Variants in TBC1D12 observed in about 807,000 individuals in gnomAD.
TBC1D12 encodes the protein TBC1 domain family, member 12.
In TBC1D12, 56 loss-of-function variants were observed where a neutral mutation model predicts 86.7. The ratio of observed to expected loss-of-function variants is 0.65; its 90% CI spans 0.52 to 0.81. The LOEUF (loss-of-function observed/expected upper bound fraction) is 0.81. Among genes scored for constraint, TBC1D12 ranks in the 30% least tolerant of loss-of-function variants. TBC1D12 has a pLI of 0.00. For synonymous variants in TBC1D12, 421 were observed against 411.7 expected (o/e 1.02, Z -0.27); for missense variants, 1,023 against 1,038.8 (o/e 0.98, Z 0.21).
chr10:94,420,344 G>C (rs1413878764), intron 1 of TBC1D12, among the ~76,000 whole-genome samples: 1 of 152,188 alleles, frequency 6.6e-6, no homozygotes, highest in Non-Finnish European at 1.5e-5. Context: ...AATGTCTGTT[G>C]TTCAAGCTAC....
Position 94,467,391 on chromosome 10 carries a change from C to G in TBC1D12, c.1096-7277C>G, listed in dbSNP as rs559472026. On this transcript the variant is annotated intron_variant, in intron 2 of 12. Transcript: ENST00000225235. ...GGGATTACAGGCATGCACCACCACG[C>G]CCGGCTAATTTTTGTATTTTTAGTA... 1.6e-3 allele frequency among the ~76,000 whole-genome samples: 243 copies of G among 152,136 alleles called. 1 individual carries two copies. Among genetic ancestry groups the G allele is most frequent in the Non-Finnish European group, 2.8e-3 (191 of 67,998 alleles).
intron 1 of TBC1D12, among the ~76,000 whole-genome samples, chr10:94,435,836 A>G (rs1158227872): frequency 6.6e-6 from 1 of 152,224 alleles, no homozygotes; most frequent in South Asian, 2.1e-4. Context: ...TGTTTGATAC[A>G]TTGGGAACTG....
At chr10:94,521,865 G>T in intron 9 of TBC1D12, 90 bp from the exon 10 acceptor site, 1 of 1,180,312 alleles carries the variant, frequency 8.5e-7, no homozygotes, top group East Asian at 2.7e-5. Context: ...ACTTTGTAAT[G>T]TCACTGTAAT....
intron 3 of TBC1D12, among the ~76,000 whole-genome samples, chr10:94,484,112 T>C (rs1337844333): frequency 6.6e-6 from 1 of 152,188 alleles, no homozygotes; most frequent in East Asian, 1.9e-4. Context: ...GATTTGTTTC[T>C]GGGTTCTCTG....
At chr10:94,416,711 AAG>A (rs1244427079) in intron 1 of TBC1D12, among the ~76,000 whole-genome samples, 1 of 152,184 alleles carries the variant, frequency 6.6e-6, no homozygotes, top group Non-Finnish European at 1.5e-5. Context: ...AGTGTTATAA[AAG>A]AGGATATGAG....
chr10:94,531,901 G>GTTATGTTATGTTATT (rs1842442584), intron 12 of TBC1D12, among the ~76,000 whole-genome samples: 1 of 149,970 alleles, frequency 6.7e-6, no homozygotes, highest in Non-Finnish European at 1.5e-5. Flanking sequence ...GTTATGTTAT[G>GTTATGTTATGTTATT]TTATGTTATT....
intron 9 of TBC1D12, among the ~76,000 whole-genome samples, chr10:94,516,201 C>G (rs942449361): frequency 2.6e-5 from 4 of 152,088 alleles, no homozygotes; most frequent in African/African-American, 9.7e-5. Flanking sequence ...TTAGTAATCT[C>G]ATTATACTTC....
chr10:94,465,428 A>G (rs1403087233), intron 2 of TBC1D12, among the ~76,000 whole-genome samples: 1 of 152,124 alleles, frequency 6.6e-6, no homozygotes, highest in African/African-American at 2.4e-5. Context: ...CAGGTGGATC[A>G]CGAGGTCAAG....
intron 12 of TBC1D12, among the ~76,000 whole-genome samples, chr10:94,531,684 T>TTTG (rs1554951656): frequency 7.7e-6 from 1 of 130,444 alleles, no homozygotes; most frequent in Non-Finnish European, 1.6e-5. Context: ...TTTATTTTAT[T>TTTG]TTATGTTATT....
chr10:94,460,496 G>GT (rs2055709658), intron 2 of TBC1D12, among the ~76,000 whole-genome samples: 2 of 150,504 alleles, frequency 1.3e-5, no homozygotes, highest in East Asian at 3.9e-4. Flanking sequence ...TAGGTAGCAT[G>GT]TTTTTACCTC....
chr10:94,491,008 C>T (rs2056238415), intron 3 of TBC1D12, among the ~76,000 whole-genome samples: 1 of 152,078 alleles, frequency 6.6e-6, no homozygotes, highest in Non-Finnish European at 1.5e-5. Context: ...GTCTTGGACT[C>T]TCCAACTCTA....
At chr10:94,444,735 T>C (rs1044025399) in intron 2 of TBC1D12, among the ~76,000 whole-genome samples, 18 of 145,408 alleles carry the variant, frequency 1.2e-4, no homozygotes, top group East Asian at 2.0e-4. Flanking sequence ...CACATTCTCT[T>C]TTTTTTTTTT....
chr10:94,501,905 T>A (rs1464244483), intron 6 of TBC1D12, among the ~76,000 whole-genome samples: 1 of 152,100 alleles, frequency 6.6e-6, no homozygotes, highest in Admixed American at 6.6e-5. Context: ...GGCTCATGCC[T>A]GTAGTCCTAG....
intron 12 of TBC1D12, among the ~76,000 whole-genome samples, chr10:94,531,832 A>ATGTTATTTTATTTTT (rs1842435844): frequency 7.0e-6 from 1 of 142,672 alleles, no homozygotes. Context: ...ATTTTATTTT[A>ATGTTATTTTATTTTT]TGTTATTTTA....
intron 2 of TBC1D12, among the ~76,000 whole-genome samples, chr10:94,463,735 C>T (rs1222397711): frequency 6.6e-6 from 1 of 152,054 alleles, no homozygotes; most frequent in Non-Finnish European, 1.5e-5. Flanking sequence ...CTGAACGTTC[C>T]TTGTGTACTT....
chr10:94,465,946 G>A (rs7393251), intron 2 of TBC1D12, among the ~76,000 whole-genome samples: 62,978 of 150,350 alleles, frequency 0.42, 13,630 homozygotes, highest in East Asian at 0.76. Flanking sequence ...GTATATACGC[G>A]TATGTATGTA....
chr10:94,529,424 G>T (rs1842371496), intron 11 of TBC1D12, among the ~76,000 whole-genome samples: 1 of 152,170 alleles, frequency 6.6e-6, no homozygotes, highest in South Asian at 2.1e-4. Flanking sequence ...TTCGAGACCA[G>T]CCTGACCAAC....
At chr10:94,432,412 A>G (rs2055230124) in intron 1 of TBC1D12, among the ~76,000 whole-genome samples, 1 of 152,302 alleles carries the variant, frequency 6.6e-6, no homozygotes, top group South Asian at 2.1e-4. Context: ...ACAATTCCAT[A>G]TACAATATTT....
intron 3 of TBC1D12, among the ~76,000 whole-genome samples, chr10:94,486,901 G>A (rs1041556507): frequency 2.6e-5 from 4 of 152,200 alleles, no homozygotes; most frequent in Non-Finnish European, 5.9e-5. Flanking sequence ...AGTGCTGAGA[G>A]TGGTGTGTTG....
Sources: gnomAD v4.1 joint callset for allele counts (sites outside exome capture counted in the v4.1 genomes callset) on GRCh38, gnomAD v4.1.1 for gene constraint, MANE v1.5 for transcripts, NCBI Gene and HGNC (gene_info 2026-07-23, HGNC 2026-07-21) for gene names.